The following IMMP2L variants were observed in gnomAD, a reference collection of about 807,000 sequenced individuals.
IMMP2L encodes the protein inner mitochondrial membrane peptidase subunit 2, also known as mitochondrial inner membrane protease subunit 2.
In IMMP2L, 18 loss-of-function variants were observed where a neutral mutation model predicts 19.3. That is an observed-to-expected ratio of 0.93 (90% CI 0.64 to 1.38). The LOEUF (loss-of-function observed/expected upper bound fraction) is 1.38, where lower values mean the gene tolerates loss of function less well. Ranked by LOEUF, IMMP2L falls within the 40% of genes most tolerant of loss-of-function variation. The pLI is 0.00. For synonymous variants in IMMP2L, 76 were observed against 73.0 expected (o/e 1.04, Z -0.21); for missense variants, 233 against 218.2 (o/e 1.07, Z -0.43).
intron 5 of IMMP2L, among the ~76,000 whole-genome samples, chr7:110,732,190 G>A (rs1382360506): frequency 6.6e-6 from 1 of 152,172 alleles, no homozygotes; most frequent in East Asian, 1.9e-4. Flanking sequence ...AGAGGGAGCT[G>A]AAGAGGCAAC....
At chr7:111,419,540 C>G (rs1188478185) in intron 3 of IMMP2L, among the ~76,000 whole-genome samples, 1 of 151,708 alleles carries the variant, frequency 6.6e-6, no homozygotes, top group East Asian at 1.9e-4. Context: ...AGAGGCTAAT[C>G]AGAAACTCAA....
chr7:111,065,042 G>C (rs548811009), intron 3 of IMMP2L, among the ~76,000 whole-genome samples: 1 of 152,158 alleles, frequency 6.6e-6, no homozygotes, highest in Admixed American at 6.5e-5. Context: ...GAAGGCTAAG[G>C]GAATACGGAA....
intron 3 of IMMP2L, among the ~76,000 whole-genome samples, chr7:111,179,173 G>T (rs1306062948): frequency 2.0e-5 from 3 of 151,830 alleles, no homozygotes; most frequent in Non-Finnish European, 4.4e-5. Flanking sequence ...ATGACCATGT[G>T]CATTTTCAAT....
In IMMP2L at chr7:111,372,771, T is replaced by C. The variant is rs549154112; in HGVS notation, c.239+114467A>G. Among the ~76,000 whole-genome samples the C allele has an allele frequency of 2.0e-5, 3 of 152,166 alleles. No individual in the cohort carries two copies. In the South Asian group the frequency reaches 6.2e-4, roughly 32 times the overall value. ...GAACATAATGTATGAGCAAGGATGA[T>C]AAGAAACACTAGTTTTGCACTAGCA... On this transcript the variant is annotated intron_variant, in intron 3 of 5. Transcript: ENST00000405709.
chr7:111,544,601 C>T (rs577064908), intron 1 of IMMP2L, among the ~76,000 whole-genome samples: 1 of 152,138 alleles, frequency 6.6e-6, no homozygotes, highest in African/African-American at 2.4e-5. Context: ...TGGAATAATA[C>T]GTCATCTGCT....
intron 2 of IMMP2L, among the ~76,000 whole-genome samples, chr7:111,499,036 T>G (rs533397038): frequency 6.6e-6 from 1 of 152,162 alleles, no homozygotes; most frequent in Non-Finnish European, 1.5e-5. Context: ...CAAAAATCAT[T>G]TATTGGTTCA....
intron 3 of IMMP2L, among the ~76,000 whole-genome samples, chr7:111,413,664 G>GA (rs34853998): frequency 0.3 from 43,435 of 142,792 alleles, 4,621 homozygotes; most frequent in East Asian, 0.6. Flanking sequence ...CCTAATTTAA[G>GA]AAAAAAAAAA....
rs1844879290 is a variant in IMMP2L, at chr7:111,506,160, T to C, written c.135+15153A>G. Among the ~76,000 whole-genome samples the C allele has an allele frequency of 2.7e-5, 4 of 150,788 alleles. No individual in the cohort carries two copies. The South Asian group carries it at 6.3e-4, about 24-fold the overall frequency. ...TTCGAGGCTGATTGCACCAATGCAC[T>C]CCAGCCTGGGCAACAGAGCAAGACC... On this transcript the variant is annotated intron_variant, in intron 2 of 5. Coordinates refer to ENST00000405709, the MANE Select transcript of IMMP2L (RefSeq NM_032549.4).
intron 4 of IMMP2L, among the ~76,000 whole-genome samples, chr7:110,929,312 T>G (rs537636477): frequency 1.4e-4 from 22 of 152,244 alleles, no homozygotes; most frequent in African/African-American, 4.8e-4. Context: ...TTCATCATAA[T>G]CAACAAACAT....
intron 5 of IMMP2L, among the ~76,000 whole-genome samples, chr7:110,753,864 C>T (rs780958210): frequency 1.3e-5 from 2 of 151,644 alleles, no homozygotes; most frequent in Admixed American, 1.3e-4. Flanking sequence ...CTATAATTAA[C>T]TTATTTTTTG....
chr7:111,259,196 A>G (rs568537376), intron 3 of IMMP2L, among the ~76,000 whole-genome samples: 6 of 152,248 alleles, frequency 3.9e-5, no homozygotes, highest in Middle Eastern at 3.4e-3. Flanking sequence ...CCAAGAATGG[A>G]GCTTACAGGC....
chr7:111,239,835 G>A (rs1230591636), intron 3 of IMMP2L, among the ~76,000 whole-genome samples: 2 of 151,916 alleles, frequency 1.3e-5, no homozygotes, highest in African/African-American at 4.8e-5. Context: ...GCAAGCCTAA[G>A]TGTTCTTGCT....
chr7:110,842,906 A>G (rs1305985027), intron 5 of IMMP2L, among the ~76,000 whole-genome samples: 1 of 152,196 alleles, frequency 6.6e-6, no homozygotes, highest in Non-Finnish European at 1.5e-5. Context: ...TCTGAAAATT[A>G]TGGGCAGAGC....
chr7:111,108,028 T>A (rs1193705967), intron 3 of IMMP2L, among the ~76,000 whole-genome samples: 5 of 152,188 alleles, frequency 3.3e-5, no homozygotes, highest in Non-Finnish European at 7.4e-5. Flanking sequence ...ATGGCTTTCT[T>A]TACAATACTG....
intron 4 of IMMP2L, among the ~76,000 whole-genome samples, chr7:110,956,021 C>T (rs890261353): frequency 1.3e-5 from 2 of 151,858 alleles, no homozygotes; most frequent in Non-Finnish European, 2.9e-5. Context: ...AAAGATTCAT[C>T]GTTTGCTGGA....
At chr7:111,529,016 C>T (rs1179378614) in intron 1 of IMMP2L, among the ~76,000 whole-genome samples, 1 of 152,134 alleles carries the variant, frequency 6.6e-6, no homozygotes, top group African/African-American at 2.4e-5. Context: ...TGTTATAGAA[C>T]AAGGTCAGCA....
Position 110,828,283 on chromosome 7 carries a change from A to G in IMMP2L, c.408+58310T>C, listed in dbSNP as rs1803677381. ...TAGGCCCAGATACGGCCCACGGGCC[A>G]TAGTTTGCTGACTCCTGCACTAAGC... On this transcript the variant is annotated intron_variant, in intron 5 of 5. Transcript: ENST00000405709. Among the ~76,000 whole-genome samples the G allele has an allele frequency of 2.0e-5, 3 of 152,184 alleles. No homozygotes were observed. The South Asian group carries it at 6.2e-4, about 31-fold the overall frequency.
chr7:111,355,184 A>C (rs1828570730), intron 3 of IMMP2L, among the ~76,000 whole-genome samples: 1 of 151,762 alleles, frequency 6.6e-6, no homozygotes, highest in African/African-American at 2.4e-5. Flanking sequence ...GAAAAGTGAA[A>C]TTAAATTTTC....
In IMMP2L at chr7:110,816,666, T is replaced by C. The variant is rs943578126; in HGVS notation, c.408+69927A>G. Among the ~76,000 whole-genome samples the C allele has an allele frequency of 4.6e-5, 7 of 150,614 alleles. No individual in the cohort carries two copies. The East Asian group carries it at 1.4e-3, about 29-fold the overall frequency. On this transcript the variant is annotated intron_variant, in intron 5 of 5. Coordinates refer to ENST00000405709, the MANE Select transcript of IMMP2L (RefSeq NM_032549.4). ...TGGGTGCTCCTGTATTGGGTGCATATACATTTAGGATAGTTAGCTCTTCTT... is the reference window on the plus strand; with the variant it reads ...TGGGTGCTCCTGTATTGGGTGCATACACATTTAGGATAGTTAGCTCTTCTT...
Sources: allele counts gnomAD v4.1 joint callset (sites outside exome capture counted in the v4.1 genomes callset), GRCh38; gene constraint gnomAD v4.1.1; transcripts MANE v1.5; gene names NCBI Gene and HGNC (gene_info 2026-07-23, HGNC 2026-07-21).